PTPRD: variants seen among roughly 807,000 people sequenced by gnomAD.
PTPRD encodes the protein protein tyrosine phosphatase receptor type D, also known as receptor-type tyrosine-protein phosphatase delta.
In PTPRD, 34 loss-of-function variants were observed where a neutral mutation model predicts 214.5. The ratio of observed to expected loss-of-function variants is 0.16; its 90% CI spans 0.12 to 0.21. PTPRD has a LOEUF of 0.21. Among genes scored for constraint, PTPRD ranks in the 10% least tolerant of loss-of-function variants. The probability of loss-of-function intolerance (pLI) is 1.00; values close to 1 mark genes in which losing one functional copy is unlikely to be tolerated. For missense variants in PTPRD, 2,545 were observed against 2,398.7 expected (o/e 1.06, Z -1.27); for synonymous variants, 1,128 against 845.7 (o/e 1.33, Z -5.79).
At chr9:8,767,489 A>G (rs1302134685) in intron 11 of PTPRD, among the ~76,000 whole-genome samples, 1 of 152,136 alleles carries the variant, frequency 6.6e-6, no homozygotes, top group Non-Finnish European at 1.5e-5. Flanking sequence ...GAACTCAAAG[A>G]CACATGTACA....
At chr9:8,434,265 G>C (rs2095247085) in intron 35 of PTPRD, among the ~76,000 whole-genome samples, 1 of 152,164 alleles carries the variant, frequency 6.6e-6, no homozygotes, top group Non-Finnish European at 1.5e-5. Context: ...ACACAAGTGA[G>C]CCACTGCGCC....
chr9:8,442,520 A>C (rs896735178), intron 34 of PTPRD, among the ~76,000 whole-genome samples: 1 of 152,148 alleles, frequency 6.6e-6, no homozygotes, highest in Admixed American at 6.5e-5. Context: ...CTTACTGATA[A>C]ATTGTGATAA....
chr9:8,738,906 A>G (rs2091189250), intron 11 of PTPRD, among the ~76,000 whole-genome samples: 1 of 152,202 alleles, frequency 6.6e-6, no homozygotes, highest in Non-Finnish European at 1.5e-5. Context: ...TCATAATGAT[A>G]TTTAACCTGA....
At chr9:9,996,592 G>A (rs1456793156) in intron 4 of PTPRD, among the ~76,000 whole-genome samples, 1 of 152,176 alleles carries the variant, frequency 6.6e-6, no homozygotes, top group Non-Finnish European at 1.5e-5. Flanking sequence ...TGAAGCTGAG[G>A]AAAATATGTA....
chr9:9,582,116 T>C (rs924732031), intron 7 of PTPRD, among the ~76,000 whole-genome samples: 1 of 152,130 alleles, frequency 6.6e-6, no homozygotes, highest in African/African-American at 2.4e-5. Flanking sequence ...TTTAACACTA[T>C]GGCAGAAACT....
chr9:8,760,453 G>C (rs1236822370), intron 11 of PTPRD, among the ~76,000 whole-genome samples: 2 of 152,064 alleles, frequency 1.3e-5, no homozygotes, highest in East Asian at 1.9e-4. Flanking sequence ...AAAAATAACA[G>C]GTATGTTATT....
chr9:10,041,747 A>C (rs1354147850), intron 3 of PTPRD, among the ~76,000 whole-genome samples: 1 of 152,034 alleles, frequency 6.6e-6, no homozygotes, highest in East Asian at 1.9e-4. Context: ...ATGATTAAGC[A>C]CTTTTACAAA....
chr9:8,479,914 C>G (rs2096844806), intron 30 of PTPRD, among the ~76,000 whole-genome samples: 1 of 152,104 alleles, frequency 6.6e-6, no homozygotes, highest in African/African-American at 2.4e-5. Context: ...AAATCTTTCT[C>G]ACACTATCAG....
chr9:10,041,398 G>T lies in PTPRD; in HGVS notation c.-544-7608C>A, dbSNP rs576903646. Among the ~76,000 whole-genome samples, 134 of 152,054 alleles carry T rather than the reference G, an allele frequency of 8.8e-4. 1 individual carries two copies. Among genetic ancestry groups the T allele is most frequent in the African/African-American group, 3.2e-3 (134 of 41,526 alleles). ...AGGCCTAAAAAGAAACAGACTTTTAGATCTTATTTACAGAAAGTAGTTTTC... is the reference window on the plus strand; with the variant it reads ...AGGCCTAAAAAGAAACAGACTTTTATATCTTATTTACAGAAAGTAGTTTTC... On this transcript the variant is annotated intron_variant, in intron 3 of 45. Transcript: ENST00000381196.
chr9:10,412,393 A>G (rs2098445075), intron 2 of PTPRD, among the ~76,000 whole-genome samples: 1 of 151,754 alleles, frequency 6.6e-6, no homozygotes, highest in African/African-American at 2.4e-5. Flanking sequence ...ACAGACCAAT[A>G]ATTAGCTTCA....
intron 2 of PTPRD, among the ~76,000 whole-genome samples, chr9:10,482,692 C>G (rs1307245485): frequency 6.6e-6 from 1 of 151,930 alleles, no homozygotes; most frequent in Non-Finnish European, 1.5e-5. Flanking sequence ...AGAATCAAAC[C>G]AAGAACCCAA....
intron 10 of PTPRD, among the ~76,000 whole-genome samples, chr9:9,072,308 C>CACAG (rs2099744966): frequency 6.6e-6 from 1 of 151,608 alleles, no homozygotes; most frequent in Non-Finnish European, 1.5e-5. Context: ...CACACACACA[C>CACAG]ACACACACAC....
chr9:9,468,258 T>C (rs994332135), intron 8 of PTPRD, among the ~76,000 whole-genome samples: 1 of 152,052 alleles, frequency 6.6e-6, no homozygotes, highest in African/African-American at 2.4e-5. Flanking sequence ...AGAAACTTCA[T>C]TTCCTATAAT....
intron 2 of PTPRD, among the ~76,000 whole-genome samples, chr9:10,452,451 GA>G (rs1319241602): frequency 6.6e-6 from 1 of 151,568 alleles, no homozygotes; most frequent in Non-Finnish European, 1.5e-5. Context: ...ACAGTAGACA[GA>G]GTTCCCATTT....
chr9:8,641,469 A>T (rs2096574620), intron 12 of PTPRD, among the ~76,000 whole-genome samples: 1 of 148,540 alleles, frequency 6.7e-6, no homozygotes, highest in Non-Finnish European at 1.5e-5. Flanking sequence ...ATTTGTGCTC[A>T]AGTTGGTTTT....
At chr9:8,647,930 G>A (rs527833171) in intron 12 of PTPRD, among the ~76,000 whole-genome samples, 1 of 152,158 alleles carries the variant, frequency 6.6e-6, no homozygotes, top group African/African-American at 2.4e-5. Context: ...TCTAGCTCTC[G>A]CATCATACCC....
intron 10 of PTPRD, among the ~76,000 whole-genome samples, chr9:9,076,209 C>T (rs553628269): frequency 3.0e-4 from 45 of 151,898 alleles, no homozygotes; most frequent in East Asian, 5.8e-4. Flanking sequence ...TAAATGTCTT[C>T]GAGACTTCAT....
chr9:8,817,782 T>C (rs2096952262), intron 11 of PTPRD, among the ~76,000 whole-genome samples: 1 of 152,246 alleles, frequency 6.6e-6, no homozygotes. Context: ...CCATCTTAAA[T>C]TTCAAGTAGG....
chr9:8,942,581 A>T (rs1473714777), intron 11 of PTPRD, among the ~76,000 whole-genome samples: 1 of 152,206 alleles, frequency 6.6e-6, no homozygotes, highest in Non-Finnish European at 1.5e-5. Context: ...GGAGGAAGGC[A>T]AGGTAAGAAA....
Sources: gnomAD v4.1 joint callset for allele counts (sites outside exome capture counted in the v4.1 genomes callset) on GRCh38, gnomAD v4.1.1 for gene constraint, MANE v1.5 for transcripts, NCBI Gene and HGNC (gene_info 2026-07-23, HGNC 2026-07-21) for gene names.